The following RHOBTB1 variants were observed in gnomAD, a reference collection of about 807,000 sequenced individuals.
RHOBTB1 encodes the protein Rho related BTB domain containing 1, also known as rho-related BTB domain-containing protein 1.
RHOBTB1 carries 40 observed loss-of-function variants against 71.6 expected under a neutral mutation model. The ratio of observed to expected loss-of-function variants is 0.56; its 90% CI spans 0.43 to 0.73. RHOBTB1 has a LOEUF of 0.73. RHOBTB1 is among the 30% of genes least tolerant of loss of function. The pLI, the probability that RHOBTB1 is intolerant of heterozygous loss-of-function variation, is 0.00. For synonymous variants in RHOBTB1, 319 were observed against 334.9 expected (o/e 0.95, Z 0.52); for missense variants, 797 against 894.0 (o/e 0.89, Z 1.38).
intron 2 of RHOBTB1, among the ~76,000 whole-genome samples, chr10:60,955,667 T>A (rs890939917): frequency 6.6e-6 from 1 of 152,142 alleles, no homozygotes; most frequent in Non-Finnish European, 1.5e-5. Context: ...GGCAGCTGAC[T>A]CAGTGTAAGA....
intron 7 of RHOBTB1, among the ~76,000 whole-genome samples, chr10:60,884,871 T>C (rs982921949): frequency 6.6e-6 from 1 of 152,092 alleles, no homozygotes; most frequent in Admixed American, 6.6e-5. Flanking sequence ...CTGTCAAATA[T>C]ACAAAGTTTC....
chr10:60,882,203 TA>T (rs35430567), intron 7 of RHOBTB1, among the ~76,000 whole-genome samples: 12,390 of 146,366 alleles, frequency 0.085, 716 homozygotes, highest in African/African-American at 0.16. Flanking sequence ...TCTTTTTTCT[TA>T]AAAAAAAAAA....
intron 2 of RHOBTB1, among the ~76,000 whole-genome samples, chr10:60,982,608 C>G (rs2086537416): frequency 6.6e-6 from 1 of 152,024 alleles, no homozygotes; most frequent in African/African-American, 2.4e-5. Flanking sequence ...TCGTTATAGC[C>G]AAAACAATCT....
At chr10:60,959,365 C>T (rs2085704236) in intron 2 of RHOBTB1, among the ~76,000 whole-genome samples, 1 of 152,120 alleles carries the variant, frequency 6.6e-6, no homozygotes, top group Non-Finnish European at 1.5e-5. Context: ...ATATCTAACT[C>T]CACCATTTGA....
intron 1 of RHOBTB1, among the ~76,000 whole-genome samples, chr10:60,995,726 A>G (rs1380028634): frequency 6.6e-6 from 1 of 152,170 alleles, no homozygotes; most frequent in Non-Finnish European, 1.5e-5. Context: ...CATTTTGCTC[A>G]CTTGTTTCTG....
chr10:60,874,081 T>C (rs1415680523), intron 9 of RHOBTB1, among the ~76,000 whole-genome samples: 1 of 152,208 alleles, frequency 6.6e-6, no homozygotes, highest in Non-Finnish European at 1.5e-5. Context: ...TCCTTTCCTT[T>C]GATTGAGAAA....
intron 2 of RHOBTB1, among the ~76,000 whole-genome samples, chr10:60,951,561 A>G (rs1219708737): frequency 6.6e-6 from 1 of 152,196 alleles, no homozygotes; most frequent in Non-Finnish European, 1.5e-5. Flanking sequence ...CAGGGTCAGC[A>G]TCGAAGGTGC....
intron 4 of RHOBTB1, among the ~76,000 whole-genome samples, chr10:60,900,305 G>GA (rs2082355146): frequency 6.6e-6 from 1 of 152,118 alleles, no homozygotes. Flanking sequence ...TGGTGACTCT[G>GA]CTGAGCCTGG....
intron 4 of RHOBTB1, among the ~76,000 whole-genome samples, chr10:60,903,315 G>A (rs1343913082): frequency 6.6e-6 from 1 of 152,156 alleles, no homozygotes; most frequent in East Asian, 1.9e-4. Context: ...GGCTGGGAAG[G>A]CAGGCTGGGA....
intron 4 of RHOBTB1, among the ~76,000 whole-genome samples, chr10:60,893,774 T>C (rs2082035794): frequency 6.6e-6 from 1 of 152,230 alleles, no homozygotes; most frequent in South Asian, 2.1e-4. Flanking sequence ...CTTCCATTTT[T>C]ACATAATAAC....
intron 7 of RHOBTB1, among the ~76,000 whole-genome samples, chr10:60,880,133 G>T (rs865880170): frequency 6.6e-6 from 1 of 151,682 alleles, no homozygotes; most frequent in Non-Finnish European, 1.5e-5. Flanking sequence ...TCTGAGTTGG[G>T]GGGGTGGTCC....
intron 2 of RHOBTB1, among the ~76,000 whole-genome samples, chr10:60,917,781 C>G (rs929113202): frequency 6.6e-6 from 1 of 152,078 alleles, no homozygotes; most frequent in Non-Finnish European, 1.5e-5. Flanking sequence ...CCTATACACA[C>G]GCCACTCCTT....
At chr10:60,902,673 G>A (rs868104932) in intron 4 of RHOBTB1, among the ~76,000 whole-genome samples, 19 of 152,158 alleles carry the variant, frequency 1.2e-4, no homozygotes, top group African/African-American at 2.7e-4. Context: ...TGATCTTTCC[G>A]TTTGCTAATT....
chr10:60,917,879 A>T (rs2083352723), intron 2 of RHOBTB1, among the ~76,000 whole-genome samples: 1 of 152,160 alleles, frequency 6.6e-6, no homozygotes, highest in Non-Finnish European at 1.5e-5. Context: ...CCCTGGAAAG[A>T]TTTCCTAACT....
chr10:60,944,470 C>G (rs1395746137), upstream of RHOBTB1, among the ~76,000 whole-genome samples: 1 of 152,178 alleles, frequency 6.6e-6, no homozygotes, highest in Non-Finnish European at 1.5e-5. Context: ...GGCACGGAGG[C>G]GGATCGCCCG....
At chr10:60,913,628 G>T (rs1015237801) in intron 2 of RHOBTB1, among the ~76,000 whole-genome samples, 1 of 152,154 alleles carries the variant, frequency 6.6e-6, no homozygotes, top group African/African-American at 2.4e-5. Flanking sequence ...GTCACTTGGT[G>T]GGGGGTTGAG....
intron 2 of RHOBTB1, among the ~76,000 whole-genome samples, chr10:60,931,548 C>T (rs1225630637): frequency 2.0e-5 from 3 of 152,076 alleles, no homozygotes; most frequent in African/African-American, 7.2e-5. Flanking sequence ...TATTCTTAGA[C>T]ATATTACTTC....
intron 2 of RHOBTB1, among the ~76,000 whole-genome samples, chr10:60,953,810 A>C (rs1485184516): frequency 6.6e-6 from 1 of 152,190 alleles, no homozygotes; most frequent in Non-Finnish European, 1.5e-5. Context: ...AATAGTTTAT[A>C]AATAGAAACA....
chr10:60,899,976 G>A (rs1265477624), intron 4 of RHOBTB1, among the ~76,000 whole-genome samples: 5 of 152,104 alleles, frequency 3.3e-5, no homozygotes, highest in Non-Finnish European at 5.9e-5. Flanking sequence ...GAATCAGTAT[G>A]CCAGTATCTG....
Sources: allele counts gnomAD v4.1 joint callset (sites outside exome capture counted in the v4.1 genomes callset), GRCh38; gene constraint gnomAD v4.1.1; transcripts MANE v1.5; gene names NCBI Gene and HGNC (gene_info 2026-07-23, HGNC 2026-07-21).